The following FAM25G variants were observed in gnomAD, a reference collection of about 807,000 sequenced individuals.
FAM25G encodes protein FAM25G.
In FAM25G, 3 loss-of-function variants were observed where a neutral mutation model predicts 6.4. The observed-to-expected ratio is 0.47, with a 90% CI of 0.21 to 1.21. The LOEUF (loss-of-function observed/expected upper bound fraction) is 1.21. Ranked by LOEUF, FAM25G falls within the 50% of genes most tolerant of loss-of-function variation. FAM25G has a pLI of 0.22. For missense variants in FAM25G, 34 were observed against 76.0 expected (o/e 0.45, Z 2.06); for synonymous variants, 15 against 31.3 (o/e 0.48, Z 1.74).
At chr10:47,491,522 C>T (rs1840151583) in intron 1 of FAM25G, 80 bp downstream of exon 1, 11 of 988,410 alleles carry the variant, frequency 1.1e-5, no homozygotes, top group Non-Finnish European at 1.6e-5. Context: ...TCCTCGCCTG[C>T]CTACGTAGAT....
Position 47,488,396 on chromosome 10 carries a change from C to T in FAM25G, c.137-988G>A, listed in dbSNP as rs1840083277. On this transcript the variant is annotated intron_variant, in intron 2 of 2. Transcript: ENST00000452267. ...CAGCTGGTCTTTGTATTTTTAGTAG[C>T]AATGGGGTTTTACCATATTGGTCAG... is the stretch of plus-strand genomic sequence containing the variant. Among the ~76,000 whole-genome samples, 5 of 135,254 alleles carry T rather than the reference C, an allele frequency of 3.7e-5. No individual in the cohort carries two copies. In the Admixed American group the frequency reaches 3.8e-4, roughly 10 times the overall value. 88.7% of individuals were successfully genotyped at this position (135,254 alleles called of 152,430 possible).
intron 2 of FAM25G, among the ~76,000 whole-genome samples, chr10:47,489,343 C>T (rs1211613722): frequency 7.3e-5 from 11 of 149,692 alleles, no homozygotes; most frequent in Non-Finnish European, 1.5e-4. Flanking sequence ...TCCCAGTGTG[C>T]TGTCACATAG....
At chr10:47,490,549 G>C (rs1358890785) in intron 1 of FAM25G, 3 of 152,610 alleles carry the variant, frequency 2.0e-5, no homozygotes, top group Non-Finnish European at 4.4e-5. Context: ...AGTGTATCAA[G>C]TGAATGAGAA....
chr10:47,488,992 G>A (rs1195709219), intron 2 of FAM25G, among the ~76,000 whole-genome samples: 21 of 144,642 alleles, frequency 1.5e-4, no homozygotes, highest in African/African-American at 3.1e-4. Flanking sequence ...TGGGATTACA[G>A]GCGTGAGCCA....
chr10:47,490,969 A>C, intron 1 of FAM25G, among the ~76,000 whole-genome samples: 1 of 15,868 alleles, frequency 6.3e-5, no homozygotes, highest in East Asian at 2.4e-3. Flanking sequence ...GCCTGGCCAA[A>C]ATGGCGAAAC....
chr10:47,487,255 G>A lies in FAM25G; in HGVS notation c.*20C>T. 7.9e-7 allele frequency: 1 copy of A among 1,265,110 alleles called. No homozygotes were observed. Among genetic ancestry groups the A allele is most frequent in the Non-Finnish European group, 1.1e-6 (1 of 926,082 alleles). 78.4% of individuals were successfully genotyped at this position (1,265,110 alleles called of 1,614,324 possible). On this transcript the variant is annotated 3_prime_UTR_variant, in exon 3 of 3. Coordinates refer to ENST00000452267, the MANE Select transcript of FAM25G (RefSeq NM_001137549.2). ...TGGCTTTTTATTGAGACTGGGGAAGGGCCGTGGTAGCAGGTGCACTCACTG... is the reference window on the plus strand; with the variant it reads ...TGGCTTTTTATTGAGACTGGGGAAGAGCCGTGGTAGCAGGTGCACTCACTG...
rs1293818796 is a variant in FAM25G at position 47,489,432 on chromosome 10, T to C, written c.136+154A>G. On this transcript the variant is annotated intron_variant, in intron 2 of 2. Transcript: ENST00000452267. Reference sequence around the variant, plus strand: ...CTAACGCAGTACAGTCTGTGGCCTCTGATGAGCATAGATAACTGCCCCAGC... The same window carrying C: ...CTAACGCAGTACAGTCTGTGGCCTCCGATGAGCATAGATAACTGCCCCAGC... 2.7e-5 allele frequency among the ~76,000 whole-genome samples: 4 copies of C among 150,662 alleles called. No homozygotes were observed. In the South Asian group the frequency reaches 6.5e-4, roughly 24 times the overall value.
At chr10:47,490,588 G>A (rs1160051439) in intron 1 of FAM25G, among the ~76,000 whole-genome samples, 3 of 151,594 alleles carry the variant, frequency 2.0e-5, no homozygotes, top group Non-Finnish European at 4.4e-5. Context: ...GAATGGCAGT[G>A]CTAGAAGCAA....
chr10:47,489,054 G>A (rs2132451869), intron 2 of FAM25G, among the ~76,000 whole-genome samples: 2 of 146,290 alleles, frequency 1.4e-5, no homozygotes, highest in East Asian at 4.1e-4. Flanking sequence ...GTCTTGCTCT[G>A]TAGCCCAGGC....
At chr10:47,487,760 G>C (rs1451401228) in intron 2 of FAM25G, among the ~76,000 whole-genome samples, 4 of 144,200 alleles carry the variant, frequency 2.8e-5, no homozygotes, top group African/African-American at 1.0e-4. Flanking sequence ...TTTTCTTTTG[G>C]CTTGGTTTAT....
At chr10:47,488,024 C>T (rs1203080952) in intron 2 of FAM25G, among the ~76,000 whole-genome samples, 2 of 143,856 alleles carry the variant, frequency 1.4e-5, no homozygotes, top group African/African-American at 5.1e-5. Context: ...GAAATTAGCA[C>T]CCACATAAAA....
At chr10:47,488,967 A>G (rs1840097498) in intron 2 of FAM25G, among the ~76,000 whole-genome samples, 2 of 148,062 alleles carry the variant, frequency 1.4e-5, no homozygotes, top group East Asian at 2.1e-4. Flanking sequence ...CGCCCACCTC[A>G]GCCTCCCAAA....
chr10:47,487,842 C>T lies in FAM25G; in HGVS notation c.137-434G>A, dbSNP rs1337398503. ...AATTTACTTAATATTTCCTTTATGGCGCTGATTTTTTTGTCATAGTTCTAA... is the reference window on the plus strand; with the variant it reads ...AATTTACTTAATATTTCCTTTATGGTGCTGATTTTTTTGTCATAGTTCTAA... On this transcript the variant is annotated intron_variant, in intron 2 of 2. Transcript: ENST00000452267. 3.7e-3 allele frequency among the ~76,000 whole-genome samples: 555 copies of T among 148,198 alleles called. 6 individuals are homozygous for T. Among genetic ancestry groups the T allele is most frequent in the Non-Finnish European group, 6.0e-3 (402 of 67,230 alleles).
chr10:47,487,972 T>G (rs1461085400), intron 2 of FAM25G, among the ~76,000 whole-genome samples: 1 of 150,214 alleles, frequency 6.7e-6, no homozygotes, highest in South Asian at 2.1e-4. Context: ...AAATCCTCAG[T>G]CTTAATGTAA....
chr10:47,488,797 G>A lies in FAM25G; in HGVS notation c.136+789C>T, dbSNP rs1190663634. ...GGCTGGAGTGCAGTGTCGCGATCTC[G>A]GCTCACTGCAAGCTCCACCTTCCAG... On this transcript the variant is annotated intron_variant, in intron 2 of 2. Coordinates refer to ENST00000452267, the MANE Select transcript of FAM25G (RefSeq NM_001137549.2). Among the ~76,000 whole-genome samples the A allele has an allele frequency of 2.2e-3, 279 of 126,424 alleles. 2 individuals are homozygous for A. The highest frequency in any genetic ancestry group is 7.3e-3 in the African/African-American group (237 of 32,470). 82.9% of individuals were successfully genotyped at this position (126,424 alleles called of 152,430 possible). A position where few individuals can be genotyped will look rare whatever the true frequency, so the allele number is the denominator to read the frequency against.
At chr10:47,488,612 TTTTGTTGAAAAGGAATGAGATATACAC>T in intron 2 of FAM25G, among the ~76,000 whole-genome samples, 1 of 150,322 alleles carries the variant, frequency 6.7e-6, no homozygotes, top group East Asian at 2.0e-4. Flanking sequence ...CTGGAATCTA[TTTTGTTGAAAAGGAATGAGATATACAC>T]ATGCTTTGTA....
At chr10:47,490,678 C>T (rs1431955743) in intron 1 of FAM25G, among the ~76,000 whole-genome samples, 10 of 143,936 alleles carry the variant, frequency 6.9e-5, no homozygotes, top group Non-Finnish European at 1.4e-4. Flanking sequence ...TCATAAAAAA[C>T]TCAGAGGCTA....
chr10:47,488,787 T>G (rs1383974164), intron 2 of FAM25G, among the ~76,000 whole-genome samples: 295 of 131,662 alleles, frequency 2.2e-3, no homozygotes, highest in Non-Finnish European at 2.6e-3. Flanking sequence ...GAGTGCAGTG[T>G]CGCGATCTCG....
intron 2 of FAM25G, among the ~76,000 whole-genome samples, chr10:47,488,448 T>C (rs1195550368): frequency 6.8e-6 from 1 of 147,852 alleles, no homozygotes; most frequent in African/African-American, 2.5e-5. Flanking sequence ...TGACCTCAGG[T>C]GGCCCACCCG....
Sources: allele counts gnomAD v4.1 joint callset (sites outside exome capture counted in the v4.1 genomes callset), GRCh38; gene constraint gnomAD v4.1.1; transcripts MANE v1.5; gene names NCBI Gene and HGNC (gene_info 2026-07-23, HGNC 2026-07-21).